The following NRG3 variants were observed in gnomAD, a reference collection of about 807,000 sequenced individuals.
NRG3 encodes pro-neuregulin-3, membrane-bound isoform.
Under a neutral mutation model 66.9 loss-of-function variants are expected in NRG3, and 31 were observed. That is an observed-to-expected ratio of 0.46 (90% CI 0.35 to 0.63). The LOEUF is 0.63. Ranked by LOEUF, NRG3 falls within the 20% of genes least tolerant of loss-of-function variation. NRG3 has a pLI of 0.00. For missense variants in NRG3, 910 were observed against 878.9 expected, an observed-to-expected ratio of 1.04 and a Z score of -0.45; for synonymous variants, 393 against 359.4, an observed-to-expected ratio of 1.09 and a Z score of -1.06.
intron 3 of NRG3, among the ~76,000 whole-genome samples, chr10:82,752,826 T>C (rs2058926646): frequency 6.6e-6 from 1 of 152,166 alleles, no homozygotes; most frequent in Non-Finnish European, 1.5e-5. Flanking sequence ...CTGCCAGCAC[T>C]TTGATCTTGG....
chr10:82,814,284 T>C (rs1361547802), intron 3 of NRG3, among the ~76,000 whole-genome samples: 1 of 152,232 alleles, frequency 6.6e-6, no homozygotes, highest in African/African-American at 2.4e-5. Context: ...CATAGACTAC[T>C]GTGGATTCTA....
chr10:82,006,748 A>C (rs552197400), intron 1 of NRG3, among the ~76,000 whole-genome samples: 59 of 152,188 alleles, frequency 3.9e-4, no homozygotes, highest in African/African-American at 1.4e-3. Context: ...TCTCATTGGT[A>C]CCTGAGTTTA....
chr10:81,995,896 T>C (rs1371107048), intron 1 of NRG3, among the ~76,000 whole-genome samples: 1 of 152,182 alleles, frequency 6.6e-6, no homozygotes, highest in African/African-American at 2.4e-5. Context: ...GTTAAATTGG[T>C]CAATGCCATG....
intron 1 of NRG3, among the ~76,000 whole-genome samples, chr10:82,179,093 CT>C (rs1278672688): frequency 6.6e-6 from 1 of 151,636 alleles, no homozygotes; most frequent in Non-Finnish European, 1.5e-5. Context: ...ATAATTGGAG[CT>C]TTTTTTGCTA....
At chr10:82,418,453 C>G (rs1335303112) in intron 2 of NRG3, among the ~76,000 whole-genome samples, 3 of 151,420 alleles carry the variant, frequency 2.0e-5, no homozygotes, top group Non-Finnish European at 4.4e-5. Flanking sequence ...CCAGTTTATG[C>G]AAATGAAAAG....
intron 1 of NRG3, among the ~76,000 whole-genome samples, chr10:82,146,579 G>A (rs2070279868): frequency 6.6e-6 from 1 of 152,110 alleles, no homozygotes; most frequent in South Asian, 2.1e-4. Context: ...TCCCCCAACA[G>A]CGTGCACCCT....
intron 2 of NRG3, among the ~76,000 whole-genome samples, chr10:82,667,171 T>C (rs1309494089): frequency 6.6e-6 from 1 of 152,126 alleles, no homozygotes; most frequent in Non-Finnish European, 1.5e-5. Flanking sequence ...GGTCAAAACA[T>C]AACCTAAAGC....
At chr10:82,698,287 G>C (rs933396473) in intron 2 of NRG3, among the ~76,000 whole-genome samples, 1 of 152,016 alleles carries the variant, frequency 6.6e-6, no homozygotes, top group Non-Finnish European at 1.5e-5. Flanking sequence ...GAGAAAATTA[G>C]AAAAAAGTTA....
intron 1 of NRG3, among the ~76,000 whole-genome samples, chr10:81,977,197 T>C (rs72835857): frequency 0.12 from 17,916 of 152,214 alleles, 1,382 homozygotes; most frequent in Middle Eastern, 0.18. Flanking sequence ...ATTGCCTCCC[T>C]CATACTCTTG....
intron 4 of NRG3, among the ~76,000 whole-genome samples, chr10:82,949,641 G>T (rs1290443720): frequency 1.3e-5 from 2 of 152,066 alleles, no homozygotes; most frequent in Non-Finnish European, 2.9e-5. Context: ...GATCAGCTGA[G>T]GTCAGGAGTT....
chr10:82,450,672 T>C (rs1316665979), intron 2 of NRG3, among the ~76,000 whole-genome samples: 1 of 152,156 alleles, frequency 6.6e-6, no homozygotes, highest in Non-Finnish European at 1.5e-5. Flanking sequence ...GGTGGATTTT[T>C]AAAAAAGGCA....
chr10:82,953,488 C>T (rs1405510069), intron 5 of NRG3, among the ~76,000 whole-genome samples: 1 of 151,842 alleles, frequency 6.6e-6, no homozygotes, highest in African/African-American at 2.4e-5. Flanking sequence ...TTTATGTTCT[C>T]CAAGAATGCC....
chr10:82,060,453 A>G (rs1002865984), intron 1 of NRG3, among the ~76,000 whole-genome samples: 3 of 152,156 alleles, frequency 2.0e-5, no homozygotes, highest in African/African-American at 7.2e-5. Flanking sequence ...AAATTTTTTG[A>G]CAGTTCTGTT....
At chr10:81,927,158 A>G (rs575589669) in intron 1 of NRG3, among the ~76,000 whole-genome samples, 3 of 152,344 alleles carry the variant, frequency 2.0e-5, no homozygotes, top group Admixed American at 1.3e-4. Context: ...ATATGATCAT[A>G]TATCCTTTAC....
intron 4 of NRG3, among the ~76,000 whole-genome samples, chr10:82,897,425 C>A (rs1403882947): frequency 6.6e-6 from 1 of 152,176 alleles, no homozygotes; most frequent in Non-Finnish European, 1.5e-5. Context: ...TTGAATATAA[C>A]CTGCCCAGTC....
At chr10:82,879,764 C>T (rs1006176034) in intron 4 of NRG3, among the ~76,000 whole-genome samples, 2 of 152,002 alleles carry the variant, frequency 1.3e-5, no homozygotes, top group Non-Finnish European at 2.9e-5. Context: ...GTATAAGCCA[C>T]CATGCCCGGC....
At chr10:82,771,504 C>T (rs1449450471) in intron 3 of NRG3, among the ~76,000 whole-genome samples, 1 of 152,054 alleles carries the variant, frequency 6.6e-6, no homozygotes, top group Non-Finnish European at 1.5e-5. Flanking sequence ...CGTGATGCCC[C>T]CAGCAGTCTG....
At chr10:82,211,868 C>G (rs1180025578) in intron 1 of NRG3, among the ~76,000 whole-genome samples, 3 of 152,034 alleles carry the variant, frequency 2.0e-5, no homozygotes, top group African/African-American at 7.2e-5. Context: ...CATAACACAC[C>G]CCTATACTAG....
intron 4 of NRG3, among the ~76,000 whole-genome samples, chr10:82,917,964 G>GTATATATATATATA (rs1337255892): frequency 2.3e-5 from 2 of 88,074 alleles, no homozygotes; most frequent in Non-Finnish European, 4.6e-5. Context: ...GTGTGTGTGT[G>GTATATATATATATA]TGTGTGTATA....
Sources: gnomAD v4.1 joint callset for allele counts (sites outside exome capture counted in the v4.1 genomes callset) on GRCh38, gnomAD v4.1.1 for gene constraint, MANE v1.5 for transcripts, NCBI Gene and HGNC (gene_info 2026-07-23, HGNC 2026-07-21) for gene names.